Variants in SEMA3D observed in about 807,000 individuals in gnomAD.
SEMA3D encodes semaphorin 3D.
SEMA3D carries 84 observed loss-of-function variants against 100.1 expected under a neutral mutation model. The ratio of observed to expected loss-of-function variants is 0.84; its 90% CI spans 0.70 to 1.01. The LOEUF is 1.01. Ranked by LOEUF, SEMA3D falls within the 50% of genes least tolerant of loss-of-function variation. The pLI is 0.00. For synonymous variants in SEMA3D, 312 were observed against 320.7 expected (o/e 0.97, Z 0.29); for missense variants, 875 against 934.1 (o/e 0.94, Z 0.82).
At chr7:85,016,147 T>C (rs1790093833) in intron 15 of SEMA3D, among the ~76,000 whole-genome samples, 1 of 151,790 alleles carries the variant, frequency 6.6e-6, no homozygotes, top group Non-Finnish European at 1.5e-5. Flanking sequence ...ACTGAAATTC[T>C]CTATACTGTT....
intron 17 of SEMA3D, among the ~76,000 whole-genome samples, chr7:85,008,743 A>AAATT (rs1156896969): frequency 6.6e-6 from 1 of 151,770 alleles, no homozygotes; most frequent in Non-Finnish European, 1.5e-5. Flanking sequence ...GGTAACATAT[A>AAATT]AATTCAGAGT....
intron 4 of SEMA3D, among the ~76,000 whole-genome samples, chr7:85,087,888 A>G (rs919833585): frequency 1.3e-5 from 2 of 152,164 alleles, no homozygotes; most frequent in African/African-American, 2.4e-5. Context: ...TAGTATGAAA[A>G]GAGACCATAT....
chr7:85,006,729 A>G, intron 18 of SEMA3D, 73 bp downstream of exon 18: 1 of 1,253,030 alleles, frequency 8.0e-7, no homozygotes, highest in Admixed American at 2.4e-5. Flanking sequence ...AGCATACAGA[A>G]TTAAAAGTTG....
intron 1 of SEMA3D, among the ~76,000 whole-genome samples, chr7:85,163,683 C>T (rs1790809416): frequency 1.3e-5 from 2 of 152,056 alleles, no homozygotes; most frequent in Non-Finnish European, 2.9e-5. Context: ...AAAGAAGCCC[C>T]TTATTTCTGA....
chr7:85,161,062 G>A (rs535967151), intron 1 of SEMA3D, among the ~76,000 whole-genome samples: 6 of 152,024 alleles, frequency 3.9e-5, no homozygotes, highest in Non-Finnish European at 7.4e-5. Context: ...ACCACACAGA[G>A]GGTGACCATG....
At chr7:85,071,088 T>C (rs1338836943) in intron 6 of SEMA3D, among the ~76,000 whole-genome samples, 1 of 152,192 alleles carries the variant, frequency 6.6e-6, no homozygotes, top group African/African-American at 2.4e-5. Flanking sequence ...TTTAAGGAGC[T>C]ATAAAACACT....
intron 2 of SEMA3D, among the ~76,000 whole-genome samples, chr7:85,150,286 T>C (rs1790331160): frequency 6.7e-6 from 1 of 148,684 alleles, no homozygotes; most frequent in Non-Finnish European, 1.5e-5. Flanking sequence ...TTTTGAGCTG[T>C]TACGGTACTA....
At chr7:85,144,748 T>C (rs1790154159) in intron 2 of SEMA3D, 2 of 773,866 alleles carry the variant, frequency 2.6e-6, no homozygotes. Flanking sequence ...GTCTGAATGG[T>C]GTAAAGCAAA....
chr7:85,011,320 G>A lies in SEMA3D; in HGVS notation c.1768+1462C>T, dbSNP rs527269080. ...TGGATTTGGCAAGGAGGAAATTGCC[G>A]GTGACCTTGACAAGAATAGATTGGA... is the stretch of plus-strand genomic sequence containing the variant. On this transcript the variant is annotated intron_variant, in intron 17 of 18. Coordinates refer to ENST00000284136, the MANE Select transcript of SEMA3D (RefSeq NM_001384900.1). Among the ~76,000 whole-genome samples the A allele has an allele frequency of 4.0e-5, 6 of 151,854 alleles. No individual in the cohort carries two copies. In the East Asian group the frequency reaches 9.8e-4, roughly 25 times the overall value.
chr7:85,226,233 T>A, the SEMA3D span, among the ~76,000 whole-genome samples: 1 of 152,168 alleles, frequency 6.6e-6, no homozygotes, highest in Non-Finnish European at 1.5e-5. Context: ...ACTCTTTTTT[T>A]CTTTTGCTAG....
chr7:85,191,867 A>G (rs1042858446), upstream of SEMA3D, among the ~76,000 whole-genome samples: 3 of 152,114 alleles, frequency 2.0e-5, no homozygotes, highest in African/African-American at 7.2e-5. Flanking sequence ...AATGCATTAG[A>G]TAGAGTTTCT....
intron 2 of SEMA3D, among the ~76,000 whole-genome samples, chr7:85,138,205 A>C (rs1168975808): frequency 6.6e-6 from 1 of 152,112 alleles, no homozygotes; most frequent in Non-Finnish European, 1.5e-5. Context: ...TGCTGTTCTG[A>C]CTCATTAAAC....
chr7:85,033,892 CA>C (rs1790618131), intron 12 of SEMA3D, among the ~76,000 whole-genome samples: 1 of 150,474 alleles, frequency 6.6e-6, no homozygotes, highest in Admixed American at 6.7e-5. Context: ...CACACACACA[CA>C]ATCTCCCAGG....
chr7:85,174,350 G>T (rs998205351), intron 1 of SEMA3D, among the ~76,000 whole-genome samples: 62 of 152,044 alleles, frequency 4.1e-4, no homozygotes, highest in African/African-American at 1.5e-3. Context: ...ACTCATTAAA[G>T]AAAAGACAAA....
chr7:85,056,540 T>C (rs946985796), intron 8 of SEMA3D, among the ~76,000 whole-genome samples: 32 of 151,232 alleles, frequency 2.1e-4, no homozygotes, highest in Non-Finnish European at 3.7e-4. Context: ...TTTATATACA[T>C]ATAGCATATA....
At chr7:85,100,264 G>A (rs1209245007) in intron 3 of SEMA3D, among the ~76,000 whole-genome samples, 1 of 151,058 alleles carries the variant, frequency 6.6e-6, no homozygotes, top group Non-Finnish European at 1.5e-5. Context: ...ACAAAACTAC[G>A]TAGCAGCAAA....
the SEMA3D span, among the ~76,000 whole-genome samples, chr7:85,240,594 G>A: frequency 6.6e-6 from 1 of 152,256 alleles, no homozygotes; most frequent in East Asian, 1.9e-4. Context: ...ATATTTGGTA[G>A]AATTCACTAG....
the SEMA3D span, among the ~76,000 whole-genome samples, chr7:85,206,244 C>T: frequency 6.6e-6 from 1 of 152,076 alleles, no homozygotes; most frequent in African/African-American, 2.4e-5. Flanking sequence ...CATTCCTTCT[C>T]CCTTCTATTC....
At chr7:85,151,832 T>A (rs922987735) in intron 2 of SEMA3D, 14 of 670,656 alleles carry the variant, frequency 2.1e-5, no homozygotes, top group Non-Finnish European at 2.6e-5. Flanking sequence ...TTAGACTGTC[T>A]GTAAAAAAAA....
Sources: allele counts gnomAD v4.1 joint callset (sites outside exome capture counted in the v4.1 genomes callset), GRCh38; gene constraint gnomAD v4.1.1; transcripts MANE v1.5; gene names NCBI Gene and HGNC (gene_info 2026-07-23, HGNC 2026-07-21).